Variants in KCNK17 observed in about 807,000 individuals in gnomAD.
KCNK17 encodes the protein potassium channel subfamily K member 17.
A neutral mutation model predicts 24.6 loss-of-function variants in KCNK17; 27 were observed. That is an observed-to-expected ratio of 1.10 (90% CI 0.81 to 1.51). The LOEUF is 1.51. KCNK17 is among the 40% of genes most tolerant of loss of function. The pLI is 0.00. For synonymous variants in KCNK17, 181 were observed against 189.8 expected, an observed-to-expected ratio of 0.95 and a Z score of 0.38; for missense variants, 450 against 436.6, an observed-to-expected ratio of 1.03 and a Z score of -0.27.
intron 4 of KCNK17, chr6:39,300,648 CT>C: frequency 1.0e-6 from 1 of 970,774 alleles, no homozygotes; most frequent in East Asian, 2.8e-5. Flanking sequence ...GCCCCCTTGG[CT>C]TTTAGGATGA....
chr6:39,310,871 CCTGGCCCCAT>C lies in KCNK17; in HGVS notation c.352+12_352+21del. 1 of 1,445,282 alleles carries C rather than the reference CCTGGCCCCAT, an allele frequency of 6.9e-7. No homozygotes were observed. Among genetic ancestry groups the C allele is most frequent in the Non-Finnish European group, 9.6e-7 (1 of 1,040,866 alleles). The allele number at this position is 1,445,282 out of a possible 1,614,324, so 89.5% of individuals were successfully genotyped here. ...TGCCTCCTTCCCCCACCCCCATCCC[CCTGGCCCCAT>C]CTGGCCCTTACCAATGGTGGTGATG... On this transcript the variant is annotated intron_variant, in intron 2 of 4. Coordinates refer to ENST00000373231, the MANE Select transcript of KCNK17 (RefSeq NM_031460.4).
At chr6:39,300,288 A>AT (rs893315556) in intron 4 of KCNK17, 3 of 593,690 alleles carry the variant, frequency 5.1e-6, no homozygotes, top group East Asian at 3.1e-5. Flanking sequence ...ACGCCCGGCT[A>AT]TTTTTTTGTA....
chr6:39,301,044 G>A (rs899569277), intron 4 of KCNK17, among the ~76,000 whole-genome samples: 24 of 152,192 alleles, frequency 1.6e-4, no homozygotes, highest in Admixed American at 1.2e-3. Context: ...GCTCAGAATG[G>A]TGCCTGGTAC....
intron 2 of KCNK17, among the ~76,000 whole-genome samples, chr6:39,309,771 C>T (rs901225960): frequency 1.2e-4 from 18 of 152,184 alleles, no homozygotes; most frequent in Admixed American, 3.3e-4. Flanking sequence ...AATTCCTTAA[C>T]GTGGCAGTAT....
At chr6:39,313,988 C>G (rs1296443452) in intron 1 of KCNK17, 96 bp downstream of exon 1, 1 of 932,028 alleles carries the variant, frequency 1.1e-6, no homozygotes, top group African/African-American at 1.7e-5. Context: ...AAACACCTGA[C>G]CAGGGCCTGA....
chr6:39,302,731 A>G (rs1761967324), intron 4 of KCNK17, among the ~76,000 whole-genome samples: 1 of 152,152 alleles, frequency 6.6e-6, no homozygotes, highest in East Asian at 1.9e-4. Flanking sequence ...CCTGGGACAT[A>G]TCTCTCTACT....
chr6:39,311,934 A>G (rs1583773139), intron 1 of KCNK17, among the ~76,000 whole-genome samples: 1 of 152,072 alleles, frequency 6.6e-6, no homozygotes, highest in African/African-American at 2.4e-5. Context: ...AGTCGCAGGT[A>G]TCAGCCAAGG....
intron 4 of KCNK17, chr6:39,300,382 C>T: frequency 8.9e-7 from 1 of 1,122,958 alleles, no homozygotes; most frequent in Non-Finnish European, 1.3e-6. Context: ...CCTCGGCCTC[C>T]CAAAGTGTTA....
intron 2 of KCNK17, among the ~76,000 whole-genome samples, chr6:39,310,024 G>A (rs1762106162): frequency 6.6e-6 from 1 of 152,212 alleles, no homozygotes; most frequent in African/African-American, 2.4e-5. Context: ...ACCCAACCCT[G>A]TGGGGAGGCT....
intron 2 of KCNK17, among the ~76,000 whole-genome samples, chr6:39,309,017 C>T (rs149650213): frequency 5.9e-5 from 9 of 152,316 alleles, no homozygotes; most frequent in South Asian, 2.1e-4. Context: ...TCTGTGCCAC[C>T]GTGTCCCCAT....
At chr6:39,301,871 C>A (rs1182274401) in intron 4 of KCNK17, among the ~76,000 whole-genome samples, 1 of 152,204 alleles carries the variant, frequency 6.6e-6, no homozygotes, top group Non-Finnish European at 1.5e-5. Flanking sequence ...TCAGTATCCC[C>A]ATCCAAGAAA....
intron 1 of KCNK17, among the ~76,000 whole-genome samples, chr6:39,312,249 T>G (rs1484370411): frequency 2.0e-5 from 3 of 152,192 alleles, no homozygotes; most frequent in Non-Finnish European, 2.9e-5. Flanking sequence ...GAGGACCACT[T>G]GCTCTTGGCC....
chr6:39,303,867 A>G, intron 4 of KCNK17, 90 bp downstream of exon 4: 1 of 1,415,238 alleles, frequency 7.1e-7, no homozygotes, highest in Non-Finnish European at 9.8e-7. Context: ...CATGGCGTGC[A>G]CACAGCAGGT....
chr6:39,312,655 G>A (rs1762161092), intron 1 of KCNK17, among the ~76,000 whole-genome samples: 1 of 152,192 alleles, frequency 6.6e-6, no homozygotes, highest in Admixed American at 6.5e-5. Flanking sequence ...AATGAATACG[G>A]GTAAAGTACC....
At chr6:39,314,008 C>T in intron 1 of KCNK17, 76 bp downstream of exon 1, 1 of 1,170,300 alleles carries the variant, frequency 8.5e-7, no homozygotes, top group Non-Finnish European at 1.2e-6. Flanking sequence ...AATAGGCCCC[C>T]TCGCCCTCGG....
intron 2 of KCNK17, among the ~76,000 whole-genome samples, chr6:39,306,382 C>T (rs1762037306): frequency 6.6e-6 from 1 of 152,198 alleles, no homozygotes; most frequent in Non-Finnish European, 1.5e-5. Flanking sequence ...CAGCAACTGG[C>T]AAAGGATCTG....
In KCNK17 at chr6:39,314,314, G is replaced by C. The variant is rs1024498718; in HGVS notation, c.7C>G (p.Arg3Gly). Residue 3 changes from arginine to glycine, a missense_variant, in exon 1 of 5, where the codon CGA (arginine) becomes GGA (glycine). Arg to Gly is a moderately radical substitution (Grantham distance 125). Transcript: ENST00000373231. MY[R>G]PRARAAPEGR... ...TCGGGAGCCGCCCGGGCTCGCGGTC[G>C]GTACATAGCGGGAGAGGCGGGGAGC... 2.1e-6 allele frequency: 3 copies of C among 1,421,482 alleles called. No homozygotes were observed. Among genetic ancestry groups the C allele is most frequent in the South Asian group, 1.5e-5 (1 of 66,960 alleles). 88.1% of individuals were successfully genotyped at this position (1,421,482 alleles called of 1,614,324 possible). A position where few individuals can be genotyped will look rare whatever the true frequency, so the allele number is the denominator to read the frequency against.
intron 1 of KCNK17, among the ~76,000 whole-genome samples, chr6:39,313,680 A>C (rs34179517): frequency 0.14 from 21,422 of 151,824 alleles, 1,609 homozygotes; most frequent in South Asian, 0.32. Context: ...GGTGCGACCA[A>C]CCCCCAAGCA....
At chr6:39,311,676 T>A (rs6907225) in intron 1 of KCNK17, among the ~76,000 whole-genome samples, 1 of 152,174 alleles carries the variant, frequency 6.6e-6, no homozygotes, top group South Asian at 2.1e-4. Context: ...AGGCATATAA[T>A]GTTGTAGGAC....
Sources: gnomAD v4.1 joint callset for allele counts (sites outside exome capture counted in the v4.1 genomes callset) on GRCh38, gnomAD v4.1.1 for gene constraint, MANE v1.5 for transcripts, NCBI Gene and HGNC (gene_info 2026-07-23, HGNC 2026-07-21) for gene names.